The following GPHN variants were observed in gnomAD, a reference collection of about 807,000 sequenced individuals.
GPHN encodes the protein gephyrin.
A neutral mutation model predicts 95.5 loss-of-function variants in GPHN; 17 were observed. The ratio of observed to expected loss-of-function variants is 0.18; its 90% CI spans 0.12 to 0.27. GPHN has a LOEUF of 0.27. Ranked by LOEUF, GPHN falls within the 10% of genes least tolerant of loss-of-function variation. The probability of loss-of-function intolerance (pLI) is 1.00; values close to 1 mark genes in which losing one functional copy is unlikely to be tolerated. For missense variants in GPHN, 660 were observed against 978.1 expected (o/e 0.67, Z 4.34); for synonymous variants, 320 against 322.5 (o/e 0.99, Z 0.08).
At chr14:67,006,807 G>A (rs375646586) in intron 9 of GPHN, among the ~76,000 whole-genome samples, 16 of 152,134 alleles carry the variant, frequency 1.1e-4, no homozygotes, top group Admixed American at 9.2e-4. Context: ...AGTGAGACCT[G>A]AAAGAGATTA....
intron 1 of GPHN, among the ~76,000 whole-genome samples, chr14:66,599,652 C>T (rs1177910538): frequency 6.6e-6 from 1 of 151,486 alleles, no homozygotes; most frequent in African/African-American, 2.4e-5. Flanking sequence ...GATTACTTTC[C>T]TTCTTTTTCT....
At chr14:67,399,954 A>G in the GPHN span, among the ~76,000 whole-genome samples, 26,961 of 152,176 alleles carry the variant, frequency 0.18, 4,105 homozygotes, top group East Asian at 0.49. Context: ...GGTTCTAACC[A>G]ACAGAGGTGC....
the GPHN span, chr14:67,674,369 C>T: frequency 1.3e-6 from 2 of 1,588,174 alleles, no homozygotes; most frequent in Non-Finnish European, 1.7e-6. Flanking sequence ...CCCACCCCCG[C>T]CTCACCGGTC....
the GPHN span, chr14:67,735,273 T>A: frequency 5.2e-5 from 52 of 999,678 alleles, no homozygotes; most frequent in East Asian, 6.9e-4. Flanking sequence ...TCCTTCAGAA[T>A]CGCCTCGTGC....
At chr14:66,869,232 C>T (rs1190934555) in intron 4 of GPHN, among the ~76,000 whole-genome samples, 1 of 152,088 alleles carries the variant, frequency 6.6e-6, no homozygotes, top group Non-Finnish European at 1.5e-5. Context: ...ATAATGAATA[C>T]TTGTGTTATC....
At chr14:67,159,555 A>T (rs1023985625) in intron 19 of GPHN, 67 bp downstream of exon 19, 1 of 838,380 alleles carries the variant, frequency 1.2e-6, no homozygotes, top group African/African-American at 1.7e-5. Context: ...ACAAATTTTT[A>T]AATGCCTTCT....
chr14:67,730,074 T>C, the GPHN span, among the ~76,000 whole-genome samples: 1 of 152,254 alleles, frequency 6.6e-6, no homozygotes, highest in African/African-American at 2.4e-5. Flanking sequence ...CTAATGTTGC[T>C]TGAGTTTTTA....
the GPHN span, chr14:67,616,975 A>G: frequency 6.6e-6 from 1 of 151,958 alleles, no homozygotes; most frequent in African/African-American, 2.4e-5. Flanking sequence ...CCCTGGTTCA[A>G]GCAATTGCCC....
At chr14:66,998,886 A>ATATATAT (rs201002825) in intron 9 of GPHN, among the ~76,000 whole-genome samples, 2 of 139,032 alleles carry the variant, frequency 1.4e-5, no homozygotes, top group African/African-American at 5.9e-5. Flanking sequence ...GTAAAAAAAA[A>ATATATAT]AAATATATAT....
the GPHN span, among the ~76,000 whole-genome samples, chr14:67,226,740 C>T: frequency 6.6e-6 from 1 of 152,162 alleles, no homozygotes; most frequent in Admixed American, 6.5e-5. Flanking sequence ...AACAATGTGG[C>T]TGAAAAACAA....
intron 2 of GPHN, among the ~76,000 whole-genome samples, chr14:66,681,610 T>G (rs2066934614): frequency 6.6e-6 from 1 of 152,132 alleles, no homozygotes; most frequent in Admixed American, 6.5e-5. Flanking sequence ...TTTGAATATG[T>G]TAGATATATT....
the GPHN span, among the ~76,000 whole-genome samples, chr14:67,233,110 A>ATTTTT: frequency 8.7e-6 from 1 of 114,992 alleles, no homozygotes; most frequent in East Asian, 3.1e-4. Flanking sequence ...CCACCAACAC[A>ATTTTT]TTTTTATTTT....
At chr14:66,538,166 A>G (rs570237272) in intron 1 of GPHN, among the ~76,000 whole-genome samples, 1 of 152,026 alleles carries the variant, frequency 6.6e-6, no homozygotes, top group African/African-American at 2.4e-5. Flanking sequence ...TCAGATATGT[A>G]ATTCCTTTGT....
At chr14:67,699,365 G>C in the GPHN span, among the ~76,000 whole-genome samples, 1 of 151,772 alleles carries the variant, frequency 6.6e-6, no homozygotes, top group Non-Finnish European at 1.5e-5. Flanking sequence ...GACCAGCCTG[G>C]GAAACCTAAT....
chr14:67,153,174 C>T lies in GPHN; in HGVS notation c.1837-6241C>T, dbSNP rs183141272. On this transcript the variant is annotated intron_variant, in intron 18 of 22. Transcript: ENST00000478722. ...ATTAGCTAGGCATAGTGGTGCTTGC[C>T]TGTAGTCCCAACTAGTCAGGAAGCT... is the stretch of plus-strand genomic sequence containing the variant. Among the ~76,000 whole-genome samples, 15 of 152,186 alleles carry T rather than the reference C, an allele frequency of 9.9e-5. No individual in the cohort carries two copies. The East Asian group carries it at 2.9e-3, about 29-fold the overall frequency.
chr14:67,034,696 CAAAG>C (rs955604854), intron 10 of GPHN, among the ~76,000 whole-genome samples: 21 of 151,894 alleles, frequency 1.4e-4, no homozygotes, highest in Non-Finnish European at 2.9e-4. Context: ...TCACAAGAGA[CAAAG>C]AAGAATATTA....
intron 1 of GPHN, among the ~76,000 whole-genome samples, chr14:66,629,099 ATATATTTATATACATATATAAATAT>A (rs2063638520): frequency 7.3e-6 from 1 of 137,166 alleles, no homozygotes; most frequent in Non-Finnish European, 1.6e-5. Context: ...ATATATAAAT[ATATATTTATATACATATATAAATAT>A]GTATATAAAT....
chr14:67,633,549 A>G, the GPHN span, among the ~76,000 whole-genome samples: 1 of 152,008 alleles, frequency 6.6e-6, no homozygotes. Flanking sequence ...ATGCCCCTCT[A>G]TTGCTGGACA....
intron 9 of GPHN, among the ~76,000 whole-genome samples, chr14:66,983,288 C>T (rs1329752080): frequency 6.6e-6 from 1 of 152,090 alleles, no homozygotes; most frequent in Non-Finnish European, 1.5e-5. Context: ...TTTGGATTAG[C>T]TGTGAATTTC....
Sources: gnomAD v4.1 joint callset for allele counts (sites outside exome capture counted in the v4.1 genomes callset) on GRCh38, gnomAD v4.1.1 for gene constraint, MANE v1.5 for transcripts, NCBI Gene and HGNC (gene_info 2026-07-23, HGNC 2026-07-21) for gene names.